Variants in NBAS observed in about 807,000 individuals in gnomAD.
NBAS encodes NBAS subunit of NRZ tethering complex.
NBAS carries 219 observed loss-of-function variants against 302.5 expected under a neutral mutation model. The ratio of observed to expected loss-of-function variants is 0.72; its 90% CI spans 0.65 to 0.81. The LOEUF (loss-of-function observed/expected upper bound fraction) is 0.81. NBAS is among the 30% of genes least tolerant of loss of function. The pLI, the probability that NBAS is intolerant of heterozygous loss-of-function variation, is 0.00. For synonymous variants in NBAS, 1,118 were observed against 1,021.6 expected, an observed-to-expected ratio of 1.09 and a Z score of -1.80; for missense variants, 2,932 against 2,841.6, an observed-to-expected ratio of 1.03 and a Z score of -0.72.
At chr2:14,830,512 C>T in the NBAS span, among the ~76,000 whole-genome samples, 2 of 152,000 alleles carry the variant, frequency 1.3e-5, no homozygotes, top group Admixed American at 1.3e-4. Context: ...TTGCACAAAC[C>T]GAATAAATAT....
chr2:14,966,913 T>C, the NBAS span, among the ~76,000 whole-genome samples: 1 of 152,150 alleles, frequency 6.6e-6, no homozygotes, highest in African/African-American at 2.4e-5. Flanking sequence ...GAATCCACAA[T>C]AAAGCTACTA....
chr2:15,223,406 A>G (rs1324183886), intron 47 of NBAS, among the ~76,000 whole-genome samples: 1 of 152,196 alleles, frequency 6.6e-6, no homozygotes, highest in African/African-American at 2.4e-5. Flanking sequence ...CCGCAATTAT[A>G]ACTTTTATAA....
At chr2:15,351,168 G>A (rs958320293) in intron 35 of NBAS, among the ~76,000 whole-genome samples, 13 of 152,098 alleles carry the variant, frequency 8.5e-5, no homozygotes, top group Non-Finnish European at 1.8e-4. Flanking sequence ...ATAAACTACA[G>A]CTACATATAA....
chr2:15,238,182 T>C (rs756068156), intron 45 of NBAS, among the ~76,000 whole-genome samples: 1 of 152,168 alleles, frequency 6.6e-6, no homozygotes, highest in African/African-American at 2.4e-5. Context: ...CAGGCAGCTA[T>C]CCATTGTTCA....
intron 21 of NBAS, among the ~76,000 whole-genome samples, chr2:15,443,423 G>A (rs1678547860): frequency 1.3e-5 from 2 of 152,232 alleles, no homozygotes; most frequent in South Asian, 2.1e-4. Context: ...CTCAACAGAT[G>A]CAGAAAAGAC....
At chr2:14,814,703 C>G in the NBAS span, among the ~76,000 whole-genome samples, 367 of 152,134 alleles carry the variant, frequency 2.4e-3, no homozygotes, top group African/African-American at 8.1e-3. Context: ...AGTTAATGTT[C>G]GAATGAGTTA....
intron 38 of NBAS, among the ~76,000 whole-genome samples, chr2:15,322,414 A>AT (rs1332476032): frequency 1.3e-5 from 2 of 151,942 alleles, no homozygotes; most frequent in Admixed American, 1.3e-4. Context: ...AATAAATAAA[A>AT]TTTTAAAAAA....
At chr2:14,995,240 G>C in the NBAS span, among the ~76,000 whole-genome samples, 51,729 of 151,654 alleles carry the variant, frequency 0.34, 9,636 homozygotes, top group Non-Finnish European at 0.42. Context: ...GCCCCAGTGT[G>C]TGATGTTCCC....
intron 25 of NBAS, among the ~76,000 whole-genome samples, chr2:15,414,772 C>G (rs964745568): frequency 1.3e-5 from 2 of 152,062 alleles, no homozygotes; most frequent in African/African-American, 4.8e-5. Flanking sequence ...TGGTGAAACC[C>G]TGCCTCTACT....
intron 51 of NBAS, among the ~76,000 whole-genome samples, chr2:15,175,479 G>A (rs968981329): frequency 6.6e-6 from 1 of 152,200 alleles, no homozygotes; most frequent in Non-Finnish European, 1.5e-5. Flanking sequence ...GATGAAACAA[G>A]TCAAGAGGCT....
At chr2:15,153,757 A>G in the NBAS span, among the ~76,000 whole-genome samples, 1 of 152,228 alleles carries the variant, frequency 6.6e-6, no homozygotes, top group Non-Finnish European at 1.5e-5. Context: ...GACCTTGGAA[A>G]ATTCACTTAT....
chr2:15,073,654 T>G, the NBAS span, among the ~76,000 whole-genome samples: 1 of 152,158 alleles, frequency 6.6e-6, no homozygotes, highest in Non-Finnish European at 1.5e-5. Flanking sequence ...AAGCAAAATG[T>G]ACTTTCTCAT....
the NBAS span, among the ~76,000 whole-genome samples, chr2:15,101,013 C>T: frequency 4.1e-3 from 630 of 152,250 alleles, 5 homozygotes; most frequent in African/African-American, 0.015. Context: ...TTTACTAGCC[C>T]TATTTCAATA....
rs908652575 is a variant in NBAS, at chr2:15,309,224, C to T, written c.4606G>A (p.Ala1536Thr). ...GCCAAGGTCATGTCATTTGGCAAGG[C>T]TTCACTTGCTAGTTGCAAGAGAACT... ...TEVLLQLASE[A>T]LPNDMTLALA... is the part of the protein sequence containing the mutation. Residue 1536 changes from alanine (A) to threonine (T), a missense_variant, in exon 39 of 52, where the codon GCC (alanine) becomes ACC (threonine). By Grantham distance (58) the Ala-to-Thr change is moderately conservative (BLOSUM62 0). Coordinates refer to ENST00000281513, the MANE Select transcript of NBAS (RefSeq NM_015909.4). The T allele has an allele frequency of 6.8e-6, 11 of 1,611,942 alleles. No homozygotes were observed. The highest frequency in any genetic ancestry group is 9.3e-6 in the Non-Finnish European group (11 of 1,178,728).
At chr2:15,151,791 C>A in the NBAS span, among the ~76,000 whole-genome samples, 15 of 152,278 alleles carry the variant, frequency 9.9e-5, no homozygotes, top group African/African-American at 3.4e-4. Flanking sequence ...CTAGTATTAT[C>A]CTCCTGACAG....
intron 47 of NBAS, 94 bp downstream of exon 47, chr2:15,232,328 G>T: frequency 1.6e-6 from 2 of 1,212,952 alleles, no homozygotes; most frequent in South Asian, 1.3e-5. Flanking sequence ...ATGTGGCTTA[G>T]TCTTGGAAGC....
At chr2:14,896,174 A>G in the NBAS span, among the ~76,000 whole-genome samples, 3 of 151,988 alleles carry the variant, frequency 2.0e-5, no homozygotes, top group African/African-American at 7.3e-5. Flanking sequence ...CAATCTCAGT[A>G]GTCCACTGGC....
chr2:15,068,323 A>G, the NBAS span, among the ~76,000 whole-genome samples: 1 of 152,222 alleles, frequency 6.6e-6, no homozygotes, highest in Non-Finnish European at 1.5e-5. Context: ...ATCGATGCCG[A>G]ATTCAGTGGC....
At chr2:15,539,186 GA>G (rs1451253148) in intron 7 of NBAS, 36 bp downstream of exon 7, 1 of 1,613,224 alleles carries the variant, frequency 6.2e-7, no homozygotes, top group Non-Finnish European at 8.5e-7. Context: ...ACATGACATT[GA>G]AAAAACTATG....
Sources: gnomAD v4.1 joint callset for allele counts (sites outside exome capture counted in the v4.1 genomes callset) on GRCh38, gnomAD v4.1.1 for gene constraint, MANE v1.5 for transcripts, NCBI Gene and HGNC (gene_info 2026-07-23, HGNC 2026-07-21) for gene names.